Variants in SLC9D1 observed in about 807,000 individuals in gnomAD.
SLC9D1 encodes the protein putative LAG1-interacting protein.
the SLC9D1 span, among the ~76,000 whole-genome samples, chr13:113,548,665 A>G: frequency 6.6e-6 from 1 of 152,238 alleles, no homozygotes; most frequent in African/African-American, 2.4e-5. Context: ...GAACTATTGC[A>G]TTAACCTTTT....
chr13:113,548,477 G>T, the SLC9D1 span: 1 of 1,590,626 alleles, frequency 6.3e-7, no homozygotes, highest in Non-Finnish European at 8.5e-7. Flanking sequence ...CCCGCGGAGC[G>T]CTTCTCGGGC....
At chr13:113,495,644 G>A in the SLC9D1 span, 2 of 1,596,322 alleles carry the variant, frequency 1.3e-6, no homozygotes, top group South Asian at 1.1e-5. Flanking sequence ...GGGCGGTGCA[G>A]GCTGTGGAGC....
At chr13:113,501,941 G>A in the SLC9D1 span, 2 of 1,374,776 alleles carry the variant, frequency 1.5e-6, no homozygotes, top group Non-Finnish European at 1.0e-6. Flanking sequence ...GAGAATTCAT[G>A]AAGACTAAAA....
At chr13:113,519,153 C>T in the SLC9D1 span, among the ~76,000 whole-genome samples, 1 of 151,556 alleles carries the variant, frequency 6.6e-6, no homozygotes, top group Admixed American at 6.6e-5. Flanking sequence ...AAGTGATTCT[C>T]CTGCCTCAGC....
At chr13:113,547,850 T>A in the SLC9D1 span, among the ~76,000 whole-genome samples, 22,404 of 152,050 alleles carry the variant, frequency 0.15, 1,984 homozygotes, top group Admixed American at 0.27. Context: ...ATTTCCGTTT[T>A]AAGGAGCCAG....
the SLC9D1 span, chr13:113,534,391 T>C: frequency 4.4e-6 from 3 of 674,234 alleles, no homozygotes; most frequent in Admixed American, 2.9e-5. Context: ...CACTTTCTTA[T>C]ACTACCCATC....
the SLC9D1 span, chr13:113,504,391 C>A: frequency 0.21 from 32,169 of 152,006 alleles, 4,156 homozygotes; most frequent in African/African-American, 0.36. Context: ...TGGTTACATG[C>A]GTAGGTTCTT....
At chr13:113,505,180 G>C in the SLC9D1 span, 1 of 152,010 alleles carries the variant, frequency 6.6e-6, no homozygotes, top group African/African-American at 2.4e-5. Flanking sequence ...ACTTTTTTGA[G>C]TTCTTTGTAG....
At chr13:113,505,133 C>T in the SLC9D1 span, 4 of 151,996 alleles carry the variant, frequency 2.6e-5, no homozygotes, top group Non-Finnish European at 4.4e-5. Flanking sequence ...TATCCTTAGC[C>T]CACTTTTGGA....
the SLC9D1 span, among the ~76,000 whole-genome samples, chr13:113,542,401 G>A: frequency 2.6e-5 from 4 of 151,950 alleles, no homozygotes; most frequent in Non-Finnish European, 4.4e-5. Flanking sequence ...CTTTATTACC[G>A]CCGAGATGTG....
At chr13:113,535,889 A>G in the SLC9D1 span, among the ~76,000 whole-genome samples, 5 of 147,120 alleles carry the variant, frequency 3.4e-5, no homozygotes, top group East Asian at 8.0e-4. This position sits in a 1 kb window ranked among gnomAD's most constrained non-coding sequence, Gnocchi z 4.1. Context: ...TGCTGTGTCT[A>G]TATCGGCACC....
the SLC9D1 span, among the ~76,000 whole-genome samples, chr13:113,497,483 A>G: frequency 1.1e-4 from 14 of 124,050 alleles, no homozygotes; most frequent in South Asian, 7.8e-4. Context: ...TGTGAGACCT[A>G]CAGCTGTGTG....
the SLC9D1 span, among the ~76,000 whole-genome samples, chr13:113,523,544 C>G: frequency 1.3e-5 from 2 of 152,108 alleles, no homozygotes; most frequent in Non-Finnish European, 2.9e-5. Context: ...TCATCTTTGT[C>G]TAGGGATTTG....
chr13:113,523,914 G>A, the SLC9D1 span, among the ~76,000 whole-genome samples: 1 of 152,164 alleles, frequency 6.6e-6, no homozygotes, highest in African/African-American at 2.4e-5. Context: ...CCATACATCT[G>A]GAGATTTTCC....
chr13:113,499,348 C>T, the SLC9D1 span, among the ~76,000 whole-genome samples: 1 of 152,178 alleles, frequency 6.6e-6, no homozygotes, highest in African/African-American at 2.4e-5. Flanking sequence ...CCTCCTGTCT[C>T]ACCCTGTGAC....
chr13:113,548,494 G>C, the SLC9D1 span: 1 of 1,573,522 alleles, frequency 6.4e-7, no homozygotes, highest in Non-Finnish European at 8.6e-7. Flanking sequence ...GGGCGGCACG[G>C]GCTGCACTCT....
the SLC9D1 span, chr13:113,530,457 T>C: frequency 6.6e-6 from 1 of 152,218 alleles, no homozygotes; most frequent in Admixed American, 6.5e-5. Flanking sequence ...TATATGTATA[T>C]ATAACAAGGT....
chr13:113,524,416 C>A, the SLC9D1 span, among the ~76,000 whole-genome samples: 3 of 152,202 alleles, frequency 2.0e-5, no homozygotes, highest in African/African-American at 7.2e-5. Context: ...GTGATCTCGG[C>A]TCCTGCCTCC....
the SLC9D1 span, chr13:113,505,940 G>A: frequency 6.6e-6 from 1 of 152,582 alleles, no homozygotes; most frequent in African/African-American, 2.4e-5. Context: ...CACTCCTGAA[G>A]ACAGGCATCC....
Sources: gnomAD v4.1 joint callset for allele counts (sites outside exome capture counted in the v4.1 genomes callset) on GRCh38, gnomAD v4.1.1 for gene constraint, Gnocchi (gnomAD v3.1) non-coding constraint, MANE v1.5 for transcripts, NCBI Gene and HGNC (gene_info 2026-07-23, HGNC 2026-07-21) for gene names.